The following SDK1 variants were observed in gnomAD, a reference collection of about 807,000 sequenced individuals.
SDK1 encodes protein sidekick-1.
In SDK1, 157 loss-of-function variants were observed where a neutral mutation model predicts 245.5. The ratio of observed to expected loss-of-function variants is 0.64; its 90% confidence interval spans 0.56 to 0.73. The LOEUF (loss-of-function observed/expected upper bound fraction) is 0.73, where lower values mean the gene tolerates loss of function less well. Ranked by LOEUF, SDK1 falls within the 30% of genes least tolerant of loss-of-function variation. SDK1 has a pLI of 0.00. For missense variants in SDK1, 3,583 were observed against 3,002.3 expected (o/e 1.19, Z -4.52); for synonymous variants, 1,647 against 1,278.5 (o/e 1.29, Z -6.15).
At chr7:4,176,757 G>C (rs1782238967) in intron 34 of SDK1, among the ~76,000 whole-genome samples, 1 of 152,172 alleles carries the variant, frequency 6.6e-6, no homozygotes, top group Non-Finnish European at 1.5e-5. Context: ...TTTGTGGCTG[G>C]CTTGTTTCAT....
intron 32 of SDK1, among the ~76,000 whole-genome samples, chr7:4,173,096 G>A (rs548288187): frequency 6.6e-6 from 1 of 152,258 alleles, no homozygotes; most frequent in Non-Finnish European, 1.5e-5. Flanking sequence ...GTGCTGCGGT[G>A]TGGGTGCCTC....
intron 4 of SDK1, among the ~76,000 whole-genome samples, chr7:3,686,446 G>A (rs964577344): frequency 1.1e-4 from 17 of 152,162 alleles, no homozygotes; most frequent in African/African-American, 3.4e-4. Flanking sequence ...ATTTGTATTA[G>A]GTGTCCAGGG....
chr7:3,769,111 A>G (rs1370323497), intron 4 of SDK1, among the ~76,000 whole-genome samples: 1 of 152,198 alleles, frequency 6.6e-6, no homozygotes, highest in Admixed American at 6.5e-5. Flanking sequence ...ATTGAATTGC[A>G]TGCACTTTTA....
At chr7:3,861,118 G>A (rs930653571) in intron 5 of SDK1, among the ~76,000 whole-genome samples, 1 of 151,886 alleles carries the variant, frequency 6.6e-6, no homozygotes, top group Admixed American at 6.5e-5. Context: ...AAAAATAGTT[G>A]CACATGATCA....
At chr7:3,442,316 C>G (rs536918817) in intron 1 of SDK1, among the ~76,000 whole-genome samples, 2 of 152,304 alleles carry the variant, frequency 1.3e-5, no homozygotes, top group South Asian at 4.1e-4. Context: ...CAAGGTTCAA[C>G]TCGTGTATGT....
chr7:3,838,472 C>G (rs1299871235), intron 5 of SDK1, among the ~76,000 whole-genome samples: 1 of 152,204 alleles, frequency 6.6e-6, no homozygotes, highest in African/African-American at 2.4e-5. Flanking sequence ...AGAGGTCATC[C>G]TGGCAAAGGG....
At chr7:3,380,788 G>C (rs1781468034) in intron 1 of SDK1, among the ~76,000 whole-genome samples, 1 of 152,192 alleles carries the variant, frequency 6.6e-6, no homozygotes. Context: ...AGGCGAAAGG[G>C]AAGGGCCTGC....
chr7:3,637,125 T>C (rs180835042), intron 2 of SDK1, among the ~76,000 whole-genome samples: 126 of 152,184 alleles, frequency 8.3e-4, no homozygotes, highest in South Asian at 2.9e-3. Context: ...TGAGAGAGTG[T>C]CTTGCTCTGT....
intron 5 of SDK1, among the ~76,000 whole-genome samples, chr7:3,938,177 G>A (rs1006394825): frequency 1.3e-5 from 2 of 152,118 alleles, no homozygotes; most frequent in South Asian, 2.1e-4. Context: ...GATCTGTTAC[G>A]TGGCTGGTTA....
At chr7:3,882,814 A>T (rs1254526786) in intron 5 of SDK1, among the ~76,000 whole-genome samples, 1 of 152,198 alleles carries the variant, frequency 6.6e-6, no homozygotes, top group Non-Finnish European at 1.5e-5. Context: ...ATGAAAACTG[A>T]ATTATAAAAA....
chr7:3,613,122 G>T lies in SDK1; in HGVS notation c.299-5958G>T, dbSNP rs117169634. On this transcript the variant is annotated intron_variant, in intron 1 of 44. Transcript: ENST00000404826. ...ATAGTTGATTCCTATTCATTCTGCC[G>T]TTGAAGGGTTTCAGATGATACGACT... Among the ~76,000 whole-genome samples the T allele has an allele frequency of 2.6e-3, 398 of 152,256 alleles. 2 individuals are homozygous for T. The highest frequency in any genetic ancestry group is 5.4e-3 in the Admixed American group (83 of 15,290).
chr7:3,550,381 A>C (rs545523433), intron 1 of SDK1, among the ~76,000 whole-genome samples: 1 of 152,288 alleles, frequency 6.6e-6, no homozygotes, highest in East Asian at 1.9e-4. Flanking sequence ...CAATCAACAT[A>C]CTGTGGCACG....
At chr7:3,501,770 G>T (rs773992192) in intron 1 of SDK1, among the ~76,000 whole-genome samples, 4 of 152,072 alleles carry the variant, frequency 2.6e-5, no homozygotes, top group Non-Finnish European at 4.4e-5. Flanking sequence ...ACTTTTTCCA[G>T]TTATGATGGA....
At chr7:3,840,048 C>T (rs910857300) in intron 5 of SDK1, among the ~76,000 whole-genome samples, 2 of 151,986 alleles carry the variant, frequency 1.3e-5, no homozygotes, top group African/African-American at 4.8e-5. Flanking sequence ...CTGGGTCCCT[C>T]CGTATGATAG....
intron 1 of SDK1, among the ~76,000 whole-genome samples, chr7:3,598,579 C>T (rs1391706362): frequency 6.6e-6 from 1 of 152,242 alleles, no homozygotes; most frequent in East Asian, 1.9e-4. Flanking sequence ...GCACAAGATC[C>T]CTGCATTGCC....
chr7:4,144,627 G>A (rs535472691), intron 28 of SDK1, among the ~76,000 whole-genome samples: 16 of 152,148 alleles, frequency 1.1e-4, no homozygotes, highest in African/African-American at 3.1e-4. Context: ...GAGCTCGGTC[G>A]TTCATGAACC....
chr7:3,387,569 T>C (rs879636409), intron 1 of SDK1, among the ~76,000 whole-genome samples: 1 of 152,210 alleles, frequency 6.6e-6, no homozygotes, highest in Non-Finnish European at 1.5e-5. Flanking sequence ...CCAGGTCTGT[T>C]GTGAGGATAA....
chr7:3,403,868 T>TATATATAA (rs1432926129), intron 1 of SDK1, among the ~76,000 whole-genome samples: 4 of 108,926 alleles, frequency 3.7e-5, no homozygotes, highest in Non-Finnish European at 7.6e-5. Flanking sequence ...TATATATATA[T>TATATATAA]AATATATATA....
intron 4 of SDK1, among the ~76,000 whole-genome samples, chr7:3,666,542 G>A (rs900204823): frequency 5.9e-5 from 9 of 152,276 alleles, no homozygotes; most frequent in Admixed American, 6.5e-5. Flanking sequence ...ACCTCTCCCT[G>A]TTGCAGGTCT....
Sources: allele counts gnomAD v4.1 joint callset (sites outside exome capture counted in the v4.1 genomes callset), GRCh38; gene constraint gnomAD v4.1.1; transcripts MANE v1.5; gene names NCBI Gene and HGNC (gene_info 2026-07-23, HGNC 2026-07-21).